Variants in GNAQ observed in about 807,000 individuals in gnomAD.
GNAQ encodes the protein G protein subunit alpha q.
GNAQ carries 8 observed loss-of-function variants against 43.9 expected under a neutral mutation model. The ratio of observed to expected loss-of-function variants is 0.18; its 90% CI spans 0.11 to 0.33. The LOEUF is 0.33. Ranked by LOEUF, GNAQ falls within the 10% of genes least tolerant of loss-of-function variation. The probability of loss-of-function intolerance (pLI) is 1.00; values close to 1 mark genes in which losing one functional copy is unlikely to be tolerated. For missense variants in GNAQ, 158 were observed against 450.8 expected (o/e 0.35, Z 5.88); for synonymous variants, 155 against 170.7 (o/e 0.91, Z 0.71).
At chr9:77,739,198 T>G (rs1423072946) in intron 5 of GNAQ, among the ~76,000 whole-genome samples, 1 of 152,178 alleles carries the variant, frequency 6.6e-6, no homozygotes, top group Non-Finnish European at 1.5e-5. Flanking sequence ...CATATCAAAT[T>G]ACATGTGGCA....
At chr9:77,827,127 T>G (rs1024576513) in intron 2 of GNAQ, among the ~76,000 whole-genome samples, 12 of 152,162 alleles carry the variant, frequency 7.9e-5, no homozygotes, top group African/African-American at 2.4e-4. Flanking sequence ...AGAAAAGGTT[T>G]TTTTTTCTCT....
rs936991766 is a variant in GNAQ at position 77,773,963 on chromosome 9, G to A, written c.735+20500C>T. The stretch of plus-strand genomic sequence containing the variant: ...ATGATTTAAAGTTTTATAAAATGTA[G>A]GTTCCCTGCTAAAAGACAAATTCTT... On this transcript the variant is annotated intron_variant, in intron 5 of 6. Coordinates refer to ENST00000286548, the MANE Select transcript of GNAQ (RefSeq NM_002072.5). Among the ~76,000 whole-genome samples the A allele has an allele frequency of 5.3e-5, 8 of 151,836 alleles. No homozygotes were observed. The East Asian group carries it at 5.8e-4, about 11-fold the overall frequency.
At chr9:77,766,400 T>C (rs1347452203) in intron 5 of GNAQ, among the ~76,000 whole-genome samples, 1 of 152,190 alleles carries the variant, frequency 6.6e-6, no homozygotes, top group East Asian at 1.9e-4. Context: ...GAATTGTTCT[T>C]GATAACTTCT....
chr9:77,915,462 G>T (rs1019799082), intron 2 of GNAQ, among the ~76,000 whole-genome samples: 1 of 152,046 alleles, frequency 6.6e-6, no homozygotes, highest in Non-Finnish European at 1.5e-5. Context: ...TAAAAAGATG[G>T]AAGGTTAGTA....
chr9:77,849,549 T>C (rs1827640795), intron 2 of GNAQ, among the ~76,000 whole-genome samples: 1 of 152,162 alleles, frequency 6.6e-6, no homozygotes, highest in African/African-American at 2.4e-5. Context: ...CATCTGGTCA[T>C]CCGTACTGGC....
chr9:77,844,865 G>A (rs937305039), intron 2 of GNAQ, among the ~76,000 whole-genome samples: 1 of 55,246 alleles, frequency 1.8e-5, no homozygotes, highest in Non-Finnish European at 3.6e-5. Context: ...GTACAGACAG[G>A]GTTTTCACCA....
intron 5 of GNAQ, among the ~76,000 whole-genome samples, chr9:77,770,212 T>C (rs1826201844): frequency 6.6e-6 from 1 of 152,182 alleles, no homozygotes; most frequent in South Asian, 2.1e-4. Context: ...AGGTTTACAA[T>C]TATAGGGTTT....
At chr9:78,009,807 A>G (rs1823752263) in intron 1 of GNAQ, among the ~76,000 whole-genome samples, 1 of 152,044 alleles carries the variant, frequency 6.6e-6, no homozygotes, top group South Asian at 2.1e-4. Flanking sequence ...AGCAGTAAAA[A>G]CTCTCAGAAT....
intron 5 of GNAQ, among the ~76,000 whole-genome samples, chr9:77,767,846 G>C (rs989830205): frequency 6.6e-6 from 1 of 152,064 alleles, no homozygotes; most frequent in African/African-American, 2.4e-5. Context: ...CCTACAACCT[G>C]CCCCTTCTGC....
At chr9:78,029,370 CT>C (rs60561071) in intron 1 of GNAQ, among the ~76,000 whole-genome samples, 43,008 of 151,726 alleles carry the variant, frequency 0.28, 6,276 homozygotes, top group South Asian at 0.43. Context: ...TTAAAACACT[CT>C]TATTTCTTTT....
intron 1 of GNAQ, among the ~76,000 whole-genome samples, chr9:77,937,572 A>G (rs919406267): frequency 1.8e-4 from 28 of 152,132 alleles, no homozygotes; most frequent in African/African-American, 5.8e-4. Flanking sequence ...GTTGTCAAAT[A>G]CCTAACTACT....
intron 2 of GNAQ, among the ~76,000 whole-genome samples, chr9:77,884,759 C>A (rs187490831): frequency 3.3e-4 from 50 of 152,310 alleles, no homozygotes; most frequent in Admixed American, 7.8e-4. Context: ...GTCTAAGTTT[C>A]AATCAGCATT....
intron 5 of GNAQ, among the ~76,000 whole-genome samples, chr9:77,740,698 G>T (rs1587892286): frequency 6.6e-6 from 1 of 151,970 alleles, no homozygotes; most frequent in Non-Finnish European, 1.5e-5. Flanking sequence ...TCATTTTCAG[G>T]AACAATACAG....
chr9:77,843,077 C>T (rs1272806478), intron 2 of GNAQ, among the ~76,000 whole-genome samples: 1 of 152,108 alleles, frequency 6.6e-6, no homozygotes, highest in Non-Finnish European at 1.5e-5. Context: ...TGCATTATTG[C>T]CTTCTTAATA....
chr9:77,758,956 T>C (rs977941733), intron 5 of GNAQ, among the ~76,000 whole-genome samples: 1 of 152,124 alleles, frequency 6.6e-6, no homozygotes, highest in Non-Finnish European at 1.5e-5. Context: ...TTAAAAAAAA[T>C]CATCCTGTTT....
Position 77,743,574 on chromosome 9 carries a change from T to C in GNAQ, c.736-14907A>G, listed in dbSNP as rs114720432. Among the ~76,000 whole-genome samples the C allele has an allele frequency of 8.5e-3, 1,289 of 152,064 alleles. 16 individuals carry two copies. Among genetic ancestry groups the C allele is most frequent in the African/African-American group, 0.029 (1,214 of 41,474 alleles). On this transcript the variant is annotated intron_variant, in intron 5 of 6. Transcript: ENST00000286548. ...CAGAGGCAGAGTGAGGCAGTAAGAG[T>C]TCAACTATTCAGGAACAATGTGTGT...
intron 2 of GNAQ, among the ~76,000 whole-genome samples, chr9:77,885,665 G>A (rs887354015): frequency 1.3e-5 from 2 of 151,858 alleles, no homozygotes; most frequent in African/African-American, 2.4e-5. Context: ...GTCTCAGTAC[G>A]GATGGAAAGA....
At chr9:77,852,923 A>G (rs1250783612) in intron 2 of GNAQ, among the ~76,000 whole-genome samples, 1 of 152,226 alleles carries the variant, frequency 6.6e-6, no homozygotes, top group Non-Finnish European at 1.5e-5. Flanking sequence ...GCTGAAGAAT[A>G]TACACCCAGG....
chr9:77,773,297 G>C lies in GNAQ; in HGVS notation c.735+21166C>G, dbSNP rs113082440. Among the ~76,000 whole-genome samples, 244 of 152,330 alleles carry C rather than the reference G, an allele frequency of 1.6e-3. 1 individual carries two copies. The highest frequency in any genetic ancestry group is 5.6e-3 in the African/African-American group (231 of 41,572). On this transcript the variant is annotated intron_variant, in intron 5 of 6. Transcript: ENST00000286548. ...TTCTCTTAAGACAGAATTAGCCATA[G>C]ATGATAATGTTTCCAAATGAAAGTT...
Sources: gnomAD v4.1 joint callset for allele counts (sites outside exome capture counted in the v4.1 genomes callset) on GRCh38, gnomAD v4.1.1 for gene constraint, MANE v1.5 for transcripts, NCBI Gene and HGNC (gene_info 2026-07-23, HGNC 2026-07-21) for gene names.